RNF182: variants seen among roughly 807,000 people sequenced by gnomAD.
RNF182 encodes ring finger protein 182, also known as E3 ubiquitin-protein ligase RNF182.
Under a neutral mutation model 14.4 loss-of-function variants are expected in RNF182, and 15 were observed. The ratio of observed to expected loss-of-function variants is 1.04; its 90% CI spans 0.70 to 1.60. The LOEUF (loss-of-function observed/expected upper bound fraction) is 1.60, where lower values mean the gene tolerates loss of function less well. Among genes scored for constraint, RNF182 ranks in the 40% most tolerant of loss-of-function variants. The probability of loss-of-function intolerance (pLI) is 0.00; values close to 1 mark genes in which losing one functional copy is unlikely to be tolerated. For synonymous variants in RNF182, 128 were observed against 122.9 expected (o/e 1.04, Z -0.27); for missense variants, 268 against 294.8 (o/e 0.91, Z 0.67).
intron 1 of RNF182, among the ~76,000 whole-genome samples, chr6:13,965,394 A>C (rs1759997376): frequency 6.6e-6 from 1 of 152,212 alleles, no homozygotes; most frequent in African/African-American, 2.4e-5. Context: ...AGATGGAGGA[A>C]AGGCAATAAT....
Position 13,946,296 on chromosome 6 carries a change from A to G in RNF182, c.-367+21273A>G, listed in dbSNP as rs563806635. 5.3e-5 allele frequency among the ~76,000 whole-genome samples: 8 copies of G among 151,968 alleles called. No individual in the cohort carries two copies. The East Asian group carries it at 1.5e-3, about 29-fold the overall frequency. On this transcript the variant is annotated intron_variant, in intron 1 of 2. Transcript: ENST00000488300. ...ATTCTCCTGCCTCAGCCTCCTGAGC[A>G]GCTGGAACTACAGGCATGTGCATTA... is the stretch of plus-strand genomic sequence containing the variant.
chr6:13,952,069 A>T (rs1459961385), intron 1 of RNF182, among the ~76,000 whole-genome samples: 1 of 152,180 alleles, frequency 6.6e-6, no homozygotes, highest in Non-Finnish European at 1.5e-5. Flanking sequence ...AAAAGCAGAC[A>T]GTTGCCCTGC....
intron 1 of RNF182, among the ~76,000 whole-genome samples, chr6:13,947,824 A>G (rs1286766339): frequency 6.6e-6 from 1 of 152,224 alleles, no homozygotes; most frequent in African/African-American, 2.4e-5. Flanking sequence ...CATTCCAGTC[A>G]AAGCCTTGGT....
At chr6:13,947,987 T>C (rs1269778763) in intron 1 of RNF182, among the ~76,000 whole-genome samples, 2 of 152,210 alleles carry the variant, frequency 1.3e-5, no homozygotes, top group Non-Finnish European at 2.9e-5. Flanking sequence ...GTGCTCTAAA[T>C]TTTGTTTACA....
chr6:13,977,743 A>G lies in RNF182; in HGVS notation c.624A>G (p.Lys208=), dbSNP rs555888897. 16 of 1,614,118 alleles carry G rather than the reference A, an allele frequency of 9.9e-6. No individual in the cohort carries two copies. Among genetic ancestry groups the G allele is most frequent in the Admixed American group, 1.7e-5 (1 of 60,020 alleles). The change falls in exon 3 of 3, where the codon AAA becomes AAG. Residue 208 remains lysine (K), a synonymous_variant. Transcript: ENST00000488300. The part of the protein sequence containing the change: ...PLGIYLLVSK[K]VTLGVVFVSL... ...GAATCTACTTACTGGTGTCTAAGAAAGTCACCCTTGGGGTCGTCTTTGTCA... is the reference window on the plus strand; with the variant it reads ...GAATCTACTTACTGGTGTCTAAGAAGGTCACCCTTGGGGTCGTCTTTGTCA...
At chr6:13,946,948 A>T (rs1269663369) in intron 1 of RNF182, among the ~76,000 whole-genome samples, 1 of 152,242 alleles carries the variant, frequency 6.6e-6, no homozygotes, top group Non-Finnish European at 1.5e-5. Context: ...TACCTGGAAG[A>T]TTAGTAAGTA....
chr6:13,925,799 C>T (rs1758808960), intron 1 of RNF182, among the ~76,000 whole-genome samples: 1 of 152,084 alleles, frequency 6.6e-6, no homozygotes, highest in African/African-American at 2.4e-5. Context: ...GGTAGCTGGG[C>T]GGTGTTTGCA....
intron 1 of RNF182, among the ~76,000 whole-genome samples, chr6:13,960,637 T>C (rs1759846271): frequency 6.7e-6 from 1 of 149,228 alleles, no homozygotes; most frequent in Non-Finnish European, 1.5e-5. Flanking sequence ...ATGTACTTTT[T>C]TGATGGAGGG....
intron 1 of RNF182, among the ~76,000 whole-genome samples, chr6:13,937,885 T>C (rs1759175942): frequency 6.6e-6 from 1 of 152,240 alleles, no homozygotes. Flanking sequence ...TTATTTGTAC[T>C]TTCCTAATAA....
intron 1 of RNF182, among the ~76,000 whole-genome samples, chr6:13,937,228 A>G (rs1490699884): frequency 6.6e-6 from 1 of 152,224 alleles, no homozygotes; most frequent in Non-Finnish European, 1.5e-5. Flanking sequence ...TATAGCTTTT[A>G]TGCATTTTCA....
intron 1 of RNF182, among the ~76,000 whole-genome samples, chr6:13,927,587 A>C (rs1468214919): frequency 6.6e-6 from 1 of 152,052 alleles, no homozygotes; most frequent in Non-Finnish European, 1.5e-5. Context: ...ATCCAAAGAC[A>C]AAAAAAAGCC....
At chr6:13,960,689 G>GCA (rs1759852497) in intron 1 of RNF182, among the ~76,000 whole-genome samples, 1 of 88,180 alleles carries the variant, frequency 1.1e-5, no homozygotes, top group Non-Finnish European at 3.1e-5. Flanking sequence ...GTGTGTGTGT[G>GCA]TGTGCGCGCG....
chr6:13,952,570 G>T (rs143192850), intron 1 of RNF182, among the ~76,000 whole-genome samples: 4 of 152,066 alleles, frequency 2.6e-5, no homozygotes, highest in East Asian at 1.9e-4. Flanking sequence ...TCCAAAGTCG[G>T]CCAATTGGTG....
At chr6:13,962,606 G>C (rs1046362184) in intron 1 of RNF182, among the ~76,000 whole-genome samples, 1 of 152,150 alleles carries the variant, frequency 6.6e-6, no homozygotes, top group Non-Finnish European at 1.5e-5. Context: ...TAATGAAAAT[G>C]ACAATACCTT....
rs528751916 is a variant in RNF182 at position 13,980,280 on chromosome 6, A to T, written c.*2417A>T. The T allele has an allele frequency of 1.1e-3, 171 of 150,988 alleles. No homozygotes were observed. The highest frequency in any genetic ancestry group is 2.0e-3 in the Non-Finnish European group (135 of 67,718). 9.4% of individuals were successfully genotyped at this position (150,988 alleles called of 1,614,324 possible). On this transcript the variant is annotated 3_prime_UTR_variant, in exon 3 of 3. Transcript: ENST00000488300. The stretch of plus-strand genomic sequence containing the variant: ...AAGCAGGGGAGAAAAATTAGGGGAG[A>T]TGAAATAAAAATATCGTCTTTATAA...
chr6:13,977,026 C>G lies in RNF182; in HGVS notation c.-94C>G. ...TTATCCTGCCTTTTTGCATCGCTGCCAGATTTGGATGATATGATATTCAGA... is the reference window on the plus strand; with the variant it reads ...TTATCCTGCCTTTTTGCATCGCTGCGAGATTTGGATGATATGATATTCAGA... On this transcript the variant is annotated 5_prime_UTR_variant, in exon 3 of 3. Transcript: ENST00000488300. 7.4e-7 allele frequency: 1 copy of G among 1,346,952 alleles called. No individual in the cohort carries two copies. The highest frequency in any genetic ancestry group is 1.0e-6 in the Non-Finnish European group (1 of 984,640). The allele number at this position is 1,346,952 out of a possible 1,614,324, so 83.4% of individuals were successfully genotyped here.
chr6:13,959,227 G>T (rs934789051), intron 1 of RNF182, among the ~76,000 whole-genome samples: 4 of 152,210 alleles, frequency 2.6e-5, no homozygotes, highest in African/African-American at 9.7e-5. Context: ...AGATTAGTAT[G>T]ACATTTCACA....
intron 1 of RNF182, among the ~76,000 whole-genome samples, chr6:13,938,597 T>C (rs1241809743): frequency 1.3e-5 from 2 of 152,226 alleles, no homozygotes; most frequent in Non-Finnish European, 1.5e-5. Flanking sequence ...TTTAGATCTA[T>C]AACCCCTTTG....
intron 1 of RNF182, among the ~76,000 whole-genome samples, chr6:13,967,318 A>T (rs985678971): frequency 6.6e-6 from 1 of 152,228 alleles, no homozygotes; most frequent in Admixed American, 6.5e-5. Flanking sequence ...TAATGACAAA[A>T]AGAGGCAGAG....
Sources: gnomAD v4.1 joint callset for allele counts (sites outside exome capture counted in the v4.1 genomes callset) on GRCh38, gnomAD v4.1.1 for gene constraint, MANE v1.5 for transcripts, NCBI Gene and HGNC (gene_info 2026-07-23, HGNC 2026-07-21) for gene names.